DLC1: variants seen among roughly 807,000 people sequenced by gnomAD.
DLC1 encodes the protein DLC1 Rho GTPase activating protein.
DLC1 carries 54 observed loss-of-function variants against 140.3 expected under a neutral mutation model. That is an observed-to-expected ratio of 0.38 (90% CI 0.31 to 0.48). DLC1 has a LOEUF of 0.48. DLC1 is among the 20% of genes least tolerant of loss of function. The pLI is 0.96. For synonymous variants in DLC1, 986 were observed against 728.1 expected (o/e 1.35, Z -5.70); for missense variants, 2,536 against 1,907.0 (o/e 1.33, Z -6.14).
chr8:13,505,729 T>A (rs1802028418), intron 1 of DLC1, among the ~76,000 whole-genome samples: 1 of 152,228 alleles, frequency 6.6e-6, no homozygotes, highest in South Asian at 2.1e-4. Context: ...GCACAATTTC[T>A]ATGAGATTCT....
At chr8:13,183,357 A>AT (rs1421367680) in intron 5 of DLC1, among the ~76,000 whole-genome samples, 2 of 152,164 alleles carry the variant, frequency 1.3e-5, no homozygotes, top group Non-Finnish European at 2.9e-5. Flanking sequence ...ACTAGGTTGA[A>AT]TAGGAGTGGT....
intron 5 of DLC1, among the ~76,000 whole-genome samples, chr8:13,146,160 A>G (rs1823421510): frequency 6.6e-6 from 1 of 151,990 alleles, no homozygotes; most frequent in South Asian, 2.1e-4. Flanking sequence ...ATGTAGTCCC[A>G]GCTACTCGGG....
At chr8:13,497,677 T>G (rs150851392) in intron 2 of DLC1, among the ~76,000 whole-genome samples, 2 of 152,368 alleles carry the variant, frequency 1.3e-5, no homozygotes, top group East Asian at 3.9e-4. Flanking sequence ...AGGGGAGCTA[T>G]GCCATAGGTC....
At chr8:13,598,450 A>T (rs1023960028) in intron 1 of DLC1, among the ~76,000 whole-genome samples, 2 of 152,070 alleles carry the variant, frequency 1.3e-5, no homozygotes, top group South Asian at 4.1e-4. Context: ...TTGAGGAAAG[A>T]GTTTCTTGGT....
intron 2 of DLC1, among the ~76,000 whole-genome samples, chr8:13,406,899 C>A (rs954927596): frequency 1.3e-5 from 2 of 152,140 alleles, no homozygotes; most frequent in Non-Finnish European, 2.9e-5. Flanking sequence ...TGACTGTGAG[C>A]TGAACTTGAG....
At chr8:13,131,610 C>T (rs940204955) in intron 5 of DLC1, among the ~76,000 whole-genome samples, 6 of 151,242 alleles carry the variant, frequency 4.0e-5, no homozygotes, top group African/African-American at 1.5e-4. Flanking sequence ...TGACTGCAAG[C>T]AGGGGTTTCC....
intron 2 of DLC1, among the ~76,000 whole-genome samples, chr8:13,470,015 A>G (rs1800134818): frequency 1.3e-5 from 2 of 152,158 alleles, no homozygotes; most frequent in African/African-American, 2.4e-5. Flanking sequence ...TATTTCATTT[A>G]TATAAAGTAC....
At chr8:13,485,250 G>T (rs1215726883) in intron 2 of DLC1, among the ~76,000 whole-genome samples, 1 of 152,160 alleles carries the variant, frequency 6.6e-6, no homozygotes, top group Non-Finnish European at 1.5e-5. Context: ...ATGCAGTATA[G>T]AAAACCATAG....
intron 5 of DLC1, among the ~76,000 whole-genome samples, chr8:13,203,253 A>G (rs1036933647): frequency 6.6e-6 from 1 of 152,222 alleles, no homozygotes; most frequent in Non-Finnish European, 1.5e-5. Flanking sequence ...AAAACTCAGC[A>G]TTAAGTGTCG....
chr8:13,553,973 G>A (rs1803956512), intron 1 of DLC1, among the ~76,000 whole-genome samples: 1 of 152,012 alleles, frequency 6.6e-6, no homozygotes, highest in South Asian at 2.1e-4. Context: ...CTGCCCCCTT[G>A]TCATTAGTAT....
intron 3 of DLC1, among the ~76,000 whole-genome samples, chr8:13,394,535 G>T (rs1006354510): frequency 7.2e-5 from 11 of 152,126 alleles, no homozygotes; most frequent in Non-Finnish European, 1.5e-4. Flanking sequence ...TAGGTGGTTT[G>T]GTTGCACAGA....
rs1021498023 is a variant in DLC1, at chr8:13,326,045, T to A, written c.1315-20743A>T. 4.0e-5 allele frequency among the ~76,000 whole-genome samples: 6 copies of A among 150,474 alleles called. No individual in the cohort carries two copies. The South Asian group carries it at 1.1e-3, about 27-fold the overall frequency. ...TATTTGGTTTTTCTTATAAAAAAAA[T>A]AAATAAATAAATACCATATAGGTTT... On this transcript the variant is annotated intron_variant, in intron 4 of 17. Coordinates refer to ENST00000276297, the MANE Select transcript of DLC1 (RefSeq NM_182643.3).
intron 2 of DLC1, among the ~76,000 whole-genome samples, chr8:13,405,940 T>TCTTTCTTTCTTC: frequency 7.1e-6 from 1 of 141,024 alleles, no homozygotes; most frequent in South Asian, 2.3e-4. Context: ...TTTCTTTCTT[T>TCTTTCTTTCTTC]CTTTCTTTCT....
chr8:13,447,168 T>C (rs1339057947), intron 2 of DLC1, among the ~76,000 whole-genome samples: 1 of 152,174 alleles, frequency 6.6e-6, no homozygotes, highest in Non-Finnish European at 1.5e-5. Context: ...TTTCCAAATG[T>C]TGATTTTTGG....
intron 1 of DLC1, among the ~76,000 whole-genome samples, chr8:13,510,930 A>T (rs963283156): frequency 6.6e-6 from 1 of 152,130 alleles, no homozygotes; most frequent in Non-Finnish European, 1.5e-5. Flanking sequence ...AAAATAAGAA[A>T]GAAGTCCAAC....
intron 5 of DLC1, among the ~76,000 whole-genome samples, chr8:13,186,546 C>G (rs550409841): frequency 2.6e-5 from 4 of 152,204 alleles, no homozygotes; most frequent in Non-Finnish European, 4.4e-5. Flanking sequence ...GGTAGCCATT[C>G]GTCTAATCTT....
At chr8:13,139,487 A>G (rs1585745728) in intron 5 of DLC1, among the ~76,000 whole-genome samples, 1 of 152,256 alleles carries the variant, frequency 6.6e-6, no homozygotes, top group South Asian at 2.1e-4. Context: ...GGGCAAAACT[A>G]AAATAAACAT....
At chr8:13,352,969 C>G (rs567450176) in intron 4 of DLC1, among the ~76,000 whole-genome samples, 41 of 152,186 alleles carry the variant, frequency 2.7e-4, no homozygotes, top group African/African-American at 9.6e-4. Context: ...CTTAGTAAAA[C>G]ACTAACAAGC....
At chr8:13,110,493 C>T (rs1819995272) in intron 7 of DLC1, among the ~76,000 whole-genome samples, 1 of 152,030 alleles carries the variant, frequency 6.6e-6, no homozygotes, top group African/African-American at 2.4e-5. Context: ...CTTGTTACAC[C>T]AATTATATCA....
Sources: gnomAD v4.1 joint callset for allele counts (sites outside exome capture counted in the v4.1 genomes callset) on GRCh38, gnomAD v4.1.1 for gene constraint, MANE v1.5 for transcripts, NCBI Gene and HGNC (gene_info 2026-07-23, HGNC 2026-07-21) for gene names.